ERC2: variants seen among roughly 807,000 people sequenced by gnomAD.
ERC2 encodes the protein ELKS/RAB6-interacting/CAST family member 2, also known as ERC protein 2.
In ERC2, 42 loss-of-function variants were observed where a neutral mutation model predicts 114.8. The ratio of observed to expected loss-of-function variants is 0.37; its 90% CI spans 0.29 to 0.47. The LOEUF (loss-of-function observed/expected upper bound fraction) is 0.47, where lower values mean the gene tolerates loss of function less well. Among genes scored for constraint, ERC2 ranks in the 20% least tolerant of loss-of-function variants. ERC2 has a pLI of 0.99. For synonymous variants in ERC2, 454 were observed against 425.5 expected (o/e 1.07, Z -0.82); for missense variants, 939 against 1,150.7 (o/e 0.82, Z 2.66).
At chr3:56,242,521 C>T (rs936400055) in intron 3 of ERC2, among the ~76,000 whole-genome samples, 3 of 151,844 alleles carry the variant, frequency 2.0e-5, no homozygotes, top group African/African-American at 7.3e-5. Context: ...TTAGAAAGTG[C>T]ATAATTTATT....
intron 2 of ERC2, among the ~76,000 whole-genome samples, chr3:56,406,194 C>T (rs11922777): frequency 0.18 from 27,540 of 152,182 alleles, 3,166 homozygotes; most frequent in Non-Finnish European, 0.25. Context: ...TGCCCAGCCA[C>T]GATATGAACA....
intron 1 of ERC2, among the ~76,000 whole-genome samples, chr3:56,440,175 T>C (rs1013603040): frequency 6.6e-6 from 1 of 152,216 alleles, no homozygotes; most frequent in African/African-American, 2.4e-5. Flanking sequence ...CTGTCACTCA[T>C]AGATAACCTC....
intron 2 of ERC2, among the ~76,000 whole-genome samples, chr3:56,311,947 A>C (rs946431323): frequency 1.3e-5 from 2 of 152,114 alleles, no homozygotes; most frequent in Middle Eastern, 3.2e-3. Flanking sequence ...TTGAGGGAAA[A>C]CAAAAAATAA....
At chr3:56,274,139 C>T (rs1031283316) in intron 3 of ERC2, among the ~76,000 whole-genome samples, 1 of 152,200 alleles carries the variant, frequency 6.6e-6, no homozygotes, top group South Asian at 2.1e-4. Context: ...GCATTACCGC[C>T]TGAGCTCCCC....
intron 13 of ERC2, among the ~76,000 whole-genome samples, chr3:55,920,446 A>ACACACACACACACC (rs57638674): frequency 2.8e-4 from 41 of 145,548 alleles, no homozygotes; most frequent in Middle Eastern, 3.5e-3. Flanking sequence ...ACACACACAC[A>ACACACACACACACC]CCCCAAGTGA....
chr3:56,063,138 T>C (rs1041797786), intron 7 of ERC2, among the ~76,000 whole-genome samples: 3 of 152,168 alleles, frequency 2.0e-5, no homozygotes, highest in Non-Finnish European at 4.4e-5. Context: ...TACAGGATGA[T>C]TCCATTTTTA....
chr3:56,278,131 T>C (rs1177875369), intron 3 of ERC2, among the ~76,000 whole-genome samples: 1 of 152,232 alleles, frequency 6.6e-6, no homozygotes. Flanking sequence ...GGGTGACTGA[T>C]AAATGTTAGT....
At chr3:55,517,196 T>C (rs1452554118) in intron 17 of ERC2, among the ~76,000 whole-genome samples, 1 of 152,124 alleles carries the variant, frequency 6.6e-6, no homozygotes, top group Non-Finnish European at 1.5e-5. Flanking sequence ...ACCTCAGCAC[T>C]TCGGGAGGCA....
At chr3:55,938,617 C>G (rs2066596219) in intron 13 of ERC2, among the ~76,000 whole-genome samples, 1 of 152,152 alleles carries the variant, frequency 6.6e-6, no homozygotes, top group Non-Finnish European at 1.5e-5. Flanking sequence ...GATGTACACT[C>G]AAGGTTATAT....
chr3:56,019,856 A>G (rs2073581256), intron 7 of ERC2, among the ~76,000 whole-genome samples: 1 of 152,170 alleles, frequency 6.6e-6, no homozygotes, highest in Non-Finnish European at 1.5e-5. Flanking sequence ...AAGCCCCACT[A>G]TACAAACAAT....
intron 13 of ERC2, among the ~76,000 whole-genome samples, chr3:55,927,559 T>A (rs2065818740): frequency 6.6e-6 from 1 of 152,210 alleles, no homozygotes; most frequent in African/African-American, 2.4e-5. Flanking sequence ...AAATGAGGTA[T>A]CTATCACCTC....
chr3:56,371,639 C>T (rs1419901206), intron 2 of ERC2, among the ~76,000 whole-genome samples: 1 of 152,218 alleles, frequency 6.6e-6, no homozygotes, highest in Non-Finnish European at 1.5e-5. Flanking sequence ...ATAAAGAGGG[C>T]CACTTTTCAG....
At chr3:55,912,537 A>C (rs1415840230) in intron 13 of ERC2, among the ~76,000 whole-genome samples, 1 of 152,140 alleles carries the variant, frequency 6.6e-6, no homozygotes, top group Non-Finnish European at 1.5e-5. Context: ...TGAAAATCCA[A>C]CCCTCTTGAT....
rs573591296 is a variant in ERC2, at chr3:56,322,405, TG to T, written c.658-25971del. ...TAGTCTGTTTCTCCACCCCTTGAATTGGGATGGCCCTGGAATGGCTTTAATT... is the reference window on the plus strand; with the variant it reads ...TAGTCTGTTTCTCCACCCCTTGAATTGGATGGCCCTGGAATGGCTTTAATT... On this transcript the variant is annotated intron_variant, in intron 2 of 17. Coordinates refer to ENST00000288221, the MANE Select transcript of ERC2 (RefSeq NM_015576.3). 6.7e-4 allele frequency among the ~76,000 whole-genome samples: 102 copies of T among 152,262 alleles called. 5 individuals are homozygous for T. In the South Asian group the frequency reaches 0.02, roughly 30 times the overall value.
chr3:55,526,145 C>CAAGGGT (rs2053299648), intron 17 of ERC2, among the ~76,000 whole-genome samples: 1 of 151,822 alleles, frequency 6.6e-6, no homozygotes, highest in South Asian at 2.1e-4. Flanking sequence ...CCAAGGAATG[C>CAAGGGT]CAAGGGTACC....
At chr3:56,044,303 GC>G (rs1428922721) in intron 7 of ERC2, among the ~76,000 whole-genome samples, 2 of 151,942 alleles carry the variant, frequency 1.3e-5, no homozygotes, top group African/African-American at 4.8e-5. Context: ...TCAAGTTGAT[GC>G]CTTTTCACAA....
intron 2 of ERC2, 64 bp from the exon 3 acceptor site, chr3:56,296,499 G>A: frequency 2.0e-6 from 3 of 1,490,246 alleles, no homozygotes; most frequent in Non-Finnish European, 2.7e-6. Context: ...AAAATGTCAA[G>A]TGCCGCTTGC....
At chr3:56,402,472 C>T (rs2060556197) in intron 2 of ERC2, among the ~76,000 whole-genome samples, 1 of 151,996 alleles carries the variant, frequency 6.6e-6, no homozygotes, top group Admixed American at 6.6e-5. Context: ...AGTTCAAATC[C>T]CCATCTCCAA....
rs188994949 is a variant in ERC2, at chr3:56,172,471, T to G, written c.1149+975A>C. Among the ~76,000 whole-genome samples the G allele has an allele frequency of 1.2e-4, 18 of 152,294 alleles. No homozygotes were observed. The East Asian group carries it at 3.3e-3, about 28-fold the overall frequency. ...TCTTTTCCCTCAAAATTTGGGAATT[T>G]GGGGGCAGATAATTCAAAATCATAT... On this transcript the variant is annotated intron_variant, in intron 4 of 17. Transcript: ENST00000288221.
Sources: allele counts gnomAD v4.1 joint callset (sites outside exome capture counted in the v4.1 genomes callset), GRCh38; gene constraint gnomAD v4.1.1; transcripts MANE v1.5; gene names NCBI Gene and HGNC (gene_info 2026-07-23, HGNC 2026-07-21).